DIAPH2: variants seen among roughly 807,000 people sequenced by gnomAD.
DIAPH2 encodes the protein diaphanous related formin 2.
DIAPH2 carries 35 observed loss-of-function variants against 92.7 expected under a neutral mutation model. That is an observed-to-expected ratio of 0.38 (90% CI 0.29 to 0.50). The LOEUF (loss-of-function observed/expected upper bound fraction) is 0.50. DIAPH2 is among the 20% of genes least tolerant of loss of function. The pLI is 0.94. For synonymous variants in DIAPH2, 301 were observed against 280.4 expected, an observed-to-expected ratio of 1.07 and a Z score of -0.73; for missense variants, 701 against 819.5, an observed-to-expected ratio of 0.86 and a Z score of 1.77.
rs186619341 is a variant in DIAPH2 at position 96,719,366 on chromosome X, A to G, written c.133-16392A>G. 8.0e-5 allele frequency among the ~76,000 whole-genome samples: 9 copies of G among 112,231 alleles called. No homozygotes were observed. In the South Asian group the frequency reaches 1.1e-3, roughly 14 times the overall value. On this transcript the variant is annotated intron_variant, in intron 1 of 26. Coordinates refer to ENST00000324765, the MANE Select transcript of DIAPH2 (RefSeq NM_006729.5). ...ATGCAAGTAATCTTTGCCCGGTCCA[A>G]TGTCCTAGAGGACCTTCCCCAATGT...
intron 17 of DIAPH2, among the ~76,000 whole-genome samples, chrX:97,056,630 T>C (rs1188579599): frequency 8.9e-6 from 1 of 111,951 alleles, no homozygotes; most frequent in Non-Finnish European, 1.9e-5. Context: ...TTTAGTAATG[T>C]AATTTTCTAT....
chrX:97,074,124 G>A (rs776584478), intron 18 of DIAPH2, among the ~76,000 whole-genome samples: 7 of 112,189 alleles, frequency 6.2e-5, no homozygotes, highest in East Asian at 2.8e-4. Flanking sequence ...CAAGTTCTGC[G>A]TGCCGGGCGC....
intron 22 of DIAPH2, among the ~76,000 whole-genome samples, chrX:97,164,255 C>T (rs2067395785): frequency 8.9e-6 from 1 of 111,749 alleles, no homozygotes; most frequent in Non-Finnish European, 1.9e-5. Context: ...GCAAAACAAC[C>T]AATCCATAAA....
chrX:96,707,693 G>GA (rs1010778897), intron 1 of DIAPH2, among the ~76,000 whole-genome samples: 23 of 107,337 alleles, frequency 2.1e-4, no homozygotes, highest in African/African-American at 6.4e-4. Flanking sequence ...CGTCTCAAAA[G>GA]AAAAAAAAAT....
At chrX:96,763,146 CT>C in intron 4 of DIAPH2, 1 of 933,274 alleles carries the variant, frequency 1.1e-6, no homozygotes, top group African/African-American at 2.0e-5. Context: ...GTGTTTTACC[CT>C]TAGATATGAA....
chrX:97,037,776 C>T (rs2066421162), intron 17 of DIAPH2, among the ~76,000 whole-genome samples: 1 of 111,509 alleles, frequency 9.0e-6, no homozygotes, highest in African/African-American at 3.3e-5. Flanking sequence ...ATTCTTGGAA[C>T]ATAAACTAAT....
intron 26 of DIAPH2, among the ~76,000 whole-genome samples, chrX:97,488,917 C>T (rs999785273): frequency 3.6e-5 from 4 of 111,744 alleles, no homozygotes; most frequent in Non-Finnish European, 7.5e-5. Context: ...CTCAAGATTT[C>T]TTTGGCTATT....
intron 22 of DIAPH2, among the ~76,000 whole-genome samples, chrX:97,164,092 A>G (rs149284051): frequency 0.03 from 3,339 of 112,293 alleles, 109 homozygotes; most frequent in African/African-American, 0.1. Flanking sequence ...CACTAAAATC[A>G]AGAATTTATT....
At chrX:97,065,043 A>G (rs1231946720) in intron 17 of DIAPH2, among the ~76,000 whole-genome samples, 1 of 111,569 alleles carries the variant, frequency 9.0e-6, no homozygotes, top group East Asian at 2.8e-4. Flanking sequence ...TGTATTCTCA[A>G]CAAGAATTGT....
chrX:96,776,062 G>A, intron 4 of DIAPH2, among the ~76,000 whole-genome samples: 1 of 111,544 alleles, frequency 9.0e-6, no homozygotes, highest in Non-Finnish European at 1.9e-5. Flanking sequence ...TTCTAAGGTA[G>A]CCCCTAGGCT....
At chrX:97,350,950 G>T (rs1460229376) in intron 24 of DIAPH2, among the ~76,000 whole-genome samples, 1 of 112,048 alleles carries the variant, frequency 8.9e-6, no homozygotes, top group South Asian at 3.7e-4. Context: ...AATTTCTTGA[G>T]AACCTGTTAC....
chrX:97,301,132 C>T (rs1291788483), intron 23 of DIAPH2, among the ~76,000 whole-genome samples: 259 of 80,698 alleles, frequency 3.2e-3, no homozygotes, highest in African/African-American at 0.013. Flanking sequence ...GCGTAGGCCA[C>T]AGAGCGAGAC....
chrX:97,342,541 A>T (rs1371529999), intron 23 of DIAPH2, among the ~76,000 whole-genome samples: 1 of 111,983 alleles, frequency 8.9e-6, no homozygotes, highest in African/African-American at 3.2e-5. Flanking sequence ...TTTATTTTTT[A>T]AAAAGGTTAG....
At chrX:97,026,580 G>A (rs761646927) in intron 17 of DIAPH2, among the ~76,000 whole-genome samples, 1 of 111,692 alleles carries the variant, frequency 9.0e-6, no homozygotes, top group East Asian at 2.8e-4. Context: ...TCGTATTTCT[G>A]GATTTCAAAC....
intron 25 of DIAPH2, among the ~76,000 whole-genome samples, chrX:97,410,535 C>T (rs907265009): frequency 5.4e-5 from 6 of 111,821 alleles, no homozygotes; most frequent in Admixed American, 4.7e-4. Context: ...TCTCCAGCAA[C>T]GAAACAAAGC....
intron 24 of DIAPH2, among the ~76,000 whole-genome samples, chrX:97,382,704 G>C (rs1274931209): frequency 9.0e-6 from 1 of 111,603 alleles, no homozygotes; most frequent in Non-Finnish European, 1.9e-5. Context: ...AGGAGAAAGG[G>C]GAGGTACCAG....
At chrX:97,229,122 C>A (rs962839488) in intron 22 of DIAPH2, among the ~76,000 whole-genome samples, 1 of 111,838 alleles carries the variant, frequency 8.9e-6, no homozygotes, top group Admixed American at 9.5e-5. Flanking sequence ...TGGGATAGCA[C>A]TGCCATTTCC....
At chrX:97,420,720 A>G (rs777046358) in intron 25 of DIAPH2, among the ~76,000 whole-genome samples, 14 of 112,030 alleles carry the variant, frequency 1.2e-4, no homozygotes, top group African/African-American at 4.5e-4. Flanking sequence ...TTTGTTTTAC[A>G]AACTTTCGAC....
intron 5 of DIAPH2, among the ~76,000 whole-genome samples, chrX:96,903,994 A>G (rs187896548): frequency 1.2e-3 from 137 of 112,471 alleles, no homozygotes; most frequent in South Asian, 2.2e-3. Context: ...TGTAAGAGGA[A>G]TTTGTCTTTA....
Sources: allele counts gnomAD v4.1 joint callset (sites outside exome capture counted in the v4.1 genomes callset), GRCh38; gene constraint gnomAD v4.1.1; transcripts MANE v1.5; gene names NCBI Gene and HGNC (gene_info 2026-07-23, HGNC 2026-07-21).